Variants in ABCA1 observed in about 807,000 individuals in gnomAD.
The protein encoded by ABCA1 is phospholipid-transporting ATPase ABCA1.
Under a neutral mutation model 262.5 loss-of-function variants are expected in ABCA1, and 133 were observed. That is an observed-to-expected ratio of 0.51 (90% CI 0.44 to 0.59). The LOEUF is 0.59. Among genes scored for constraint, ABCA1 ranks in the 20% least tolerant of loss-of-function variants. The pLI is 0.00. For missense variants in ABCA1, 2,452 were observed against 2,777.5 expected, an observed-to-expected ratio of 0.88 and a Z score of 2.63; for synonymous variants, 1,022 against 1,043.5, an observed-to-expected ratio of 0.98 and a Z score of 0.40.
intron 7 of ABCA1, among the ~76,000 whole-genome samples, chr9:104,851,220 C>T (rs938721627): frequency 2.0e-5 from 3 of 152,150 alleles, no homozygotes; most frequent in African/African-American, 7.2e-5. Flanking sequence ...GCTCCAAAGG[C>T]CATTCACATT....
intron 1 of ABCA1, among the ~76,000 whole-genome samples, chr9:104,911,456 C>G (rs1841493293): frequency 6.6e-6 from 1 of 152,250 alleles, no homozygotes; most frequent in Non-Finnish European, 1.5e-5. Flanking sequence ...AACAGGTTCA[C>G]TGCACCCATG....
Position 104,804,691 on chromosome 9 carries a change from C to T in ABCA1, c.4494G>A (p.Gln1498=), listed in dbSNP as rs1781972854. ...CCGAAATGTTTCTTCCTGTCAGGTC[C>T]TGAAGGATATCTGCAGTGTTTTGTT... The part of the protein sequence containing the change: ...QRKQNTADIL[Q]DLTGRNISDY... The change falls in exon 32 of 50, where the codon CAG becomes CAA. Residue 1498 remains glutamine, a synonymous_variant. Transcript: ENST00000374736. The T allele has an allele frequency of 6.2e-7, 1 of 1,614,194 alleles. No individual in the cohort carries two copies. Among genetic ancestry groups the T allele is most frequent in the Non-Finnish European group, 8.5e-7 (1 of 1,180,020 alleles).
At chr9:104,834,298 G>A (rs893947728) in intron 11 of ABCA1, among the ~76,000 whole-genome samples, 1 of 149,584 alleles carries the variant, frequency 6.7e-6, no homozygotes, top group African/African-American at 2.4e-5. Context: ...GGGGTGGGTG[G>A]AATGGAGGTA....
At chr9:104,893,314 C>T (rs188149348) in intron 2 of ABCA1, among the ~76,000 whole-genome samples, 11 of 146,530 alleles carry the variant, frequency 7.5e-5, no homozygotes, top group Admixed American at 5.6e-4. Flanking sequence ...CCCAGCTACT[C>T]GGGAGGCTGA....
At chr9:104,851,769 T>A (rs567367663) in intron 7 of ABCA1, among the ~76,000 whole-genome samples, 1 of 152,216 alleles carries the variant, frequency 6.6e-6, no homozygotes, top group Admixed American at 6.5e-5. Flanking sequence ...ACTACCTCCC[T>A]GGGCCAGAGC....
chr9:104,812,472 G>T lies in ABCA1; in HGVS notation c.4050+102C>A, dbSNP rs973773831. Reference sequence around the variant, plus strand: ...TTGAAATACAGATAAATCTGGCTCCGGCATCCATATCTTGACCAGGATGCT... The same window carrying T: ...TTGAAATACAGATAAATCTGGCTCCTGCATCCATATCTTGACCAGGATGCT... On this transcript the variant is annotated intron_variant, in intron 28 of 49. Transcript: ENST00000374736. 15 of 1,465,968 alleles carry T rather than the reference G, an allele frequency of 1.0e-5. No individual in the cohort carries two copies. In the African/African-American group the frequency reaches 2.3e-4, roughly 22 times the overall value. 90.8% of individuals were successfully genotyped at this position (1,465,968 alleles called of 1,614,324 possible).
In ABCA1 at chr9:104,809,575, A is replaced by G. The variant is rs1354229884; in HGVS notation, c.4176-11T>C. On this transcript the variant is annotated splice_polypyrimidine_tract_variant and intron_variant, in intron 29 of 49. Coordinates refer to ENST00000374736, the MANE Select transcript of ABCA1 (RefSeq NM_005502.4). ...TCAGGAGCATCATTGCTGTGGGTAC[A>G]TGAGAGGCAGCCAGCTTAGTAATTC... The G allele has an allele frequency of 6.2e-7, 1 of 1,610,156 alleles. No individual in the cohort carries two copies. Among genetic ancestry groups the G allele is most frequent in the Non-Finnish European group, 8.5e-7 (1 of 1,176,440 alleles).
intron 2 of ABCA1, among the ~76,000 whole-genome samples, chr9:104,901,963 T>C (rs1840703000): frequency 2.0e-5 from 3 of 152,146 alleles, no homozygotes; most frequent in Non-Finnish European, 4.4e-5. Flanking sequence ...TTTATTAATA[T>C]AATATTATCT....
rs879243215 is a variant in ABCA1 at position 104,828,832 on chromosome 9, T to TC, written c.2115+83_2115+84insG. 7 of 1,387,072 alleles carry TC rather than the reference T, an allele frequency of 5.0e-6. No homozygotes were observed. The South Asian group carries it at 7.3e-5, about 15-fold the overall frequency. 85.9% of individuals were successfully genotyped at this position (1,387,072 alleles called of 1,614,324 possible). ...ACCCCTTCTCTACCAGAGGCTTGGA[T>TC]TTTTTTTCTTCTTCTCCTCCCTTAG... On this transcript the variant is annotated intron_variant, in intron 15 of 49. Coordinates refer to ENST00000374736, the MANE Select transcript of ABCA1 (RefSeq NM_005502.4).
rs35207495 is a variant in ABCA1 at position 104,824,519 on chromosome 9, C to T, written c.2602G>A (p.Glu868Lys). 1,608 of 1,614,138 alleles carry T rather than the reference C, an allele frequency of 1.0e-3. 8 individuals are homozygous for T. The African/African-American group carries it at 0.016, about 16-fold the overall frequency. Residue 868 changes from glutamate (E) to lysine (K), a missense_variant, in exon 18 of 50, where the codon GAG (glutamate) becomes AAG (lysine). This residue lies in a region of ABCA1 where 1,032 missense variants were observed against 1,089.7 expected (regional missense o/e 0.95). Coordinates refer to ENST00000374736, the MANE Select transcript of ABCA1 (RefSeq NM_005502.4). Reference protein sequence around the residue: ...FPCTKSYWFGEESDEKSHPGS... With the variant: ...FPCTKSYWFGKESDEKSHPGS... Reference sequence around the variant, plus strand: ...GGGTGGCTCTTCTCATCACTTTCCTCGCCAAACCAGTAGGACTTGGTGCAA... The same window carrying T: ...GGGTGGCTCTTCTCATCACTTTCCTTGCCAAACCAGTAGGACTTGGTGCAA...
Position 104,889,165 on chromosome 9 carries a change from G to A in ABCA1, c.97C>T (p.Leu33=), listed in dbSNP as rs886063313. ...CQLLLEVAWP[L]FIFLILISVR... is the part of the protein sequence containing the mutation. Reference sequence around the variant, plus strand: ...GAGATCAGGATCAGGAAGATAAATAGAGGCCAGGCCACTTCCAGCAGCAGC... The same window carrying A: ...GAGATCAGGATCAGGAAGATAAATAAAGGCCAGGCCACTTCCAGCAGCAGC... The change falls in exon 3 of 50, where the codon CTA becomes TTA. Residue 33 remains leucine (L), a synonymous_variant. Transcript: ENST00000374736. The A allele has an allele frequency of 6.2e-7, 1 of 1,614,170 alleles. No homozygotes were observed.
chr9:104,790,938 A>C lies in ABCA1; in HGVS notation c.5911T>G (p.Phe1971Val), dbSNP rs1293321568. The C allele has an allele frequency of 6.2e-7, 1 of 1,612,702 alleles. No individual in the cohort carries two copies. Among genetic ancestry groups the C allele is most frequent in the Admixed American group, 1.7e-5 (1 of 59,998 alleles). Reference sequence around the variant, plus strand: ...TTTTCTCACCTATTTTTGTTAAGGAAAGCATCTCCTCTGGTAACAGTGGTA... The same window carrying C: ...TTTTCTCACCTATTTTTGTTAAGGACAGCATCTCCTCTGGTAACAGTGGTA... The part of the protein sequence containing the change: ...GDTTVTRGDA[F>V]LNKNSILSNI... Residue 1971 changes from phenylalanine to valine, a missense_variant, in exon 44 of 50, where the codon TTC (phenylalanine) becomes GTC (valine). Physicochemically the swap from Phe to Val is conservative, Grantham distance 50 (BLOSUM62 -1). Coordinates refer to ENST00000374736, the MANE Select transcript of ABCA1 (RefSeq NM_005502.4).
At chr9:104,837,221 A>G in intron 10 of ABCA1, 125 bp from the exon 11 acceptor site, 2 of 1,054,504 alleles carry the variant, frequency 1.9e-6, no homozygotes, top group South Asian at 1.4e-5. Flanking sequence ...CCCATCCCCA[A>G]GAAATGCCTG....
Position 104,826,965 on chromosome 9 carries a change from T to C in ABCA1, c.2320A>G (p.Thr774Ala). 1.2e-6 allele frequency: 2 copies of C among 1,613,950 alleles called. No homozygotes were observed. Among genetic ancestry groups the C allele is most frequent in the South Asian group, 2.2e-5 (2 of 91,070 alleles). The change falls in exon 16 of 50, where the codon ACA becomes GCA. Residue 774 changes from threonine to alanine, a missense_variant. By Grantham distance (58) the Thr-to-Ala change is moderately conservative (BLOSUM62 0). Transcript: ENST00000374736. Reference protein sequence around the residue: ...CVAWQDYVGFTLKIFASLLSP... With the variant: ...CVAWQDYVGFALKIFASLLSP... ...GTACTCACAGCGAAGATCTTGAGTG[T>C]GAAGCCCACGTAGTCCTGCCATGCC...
In ABCA1 at chr9:104,788,030, G is replaced by C. The variant is rs368951069; in HGVS notation, c.6094C>G (p.Leu2032Val). 35 of 1,614,046 alleles carry C rather than the reference G, an allele frequency of 2.2e-5. No individual in the cohort carries two copies. Among genetic ancestry groups the C allele is most frequent in the Non-Finnish European group, 3.0e-5 (35 of 1,180,034 alleles). ...GKVGEWAIRK[L>V]GLVKYGEKYA... is the part of the protein sequence containing the mutation. ...TTTTCTCCATACTTCACGAGGCCCA[G>C]TTTCCGAATCGCCCACTCACCAACC... The change falls in exon 46 of 50, where the codon CTG (leucine) becomes GTG (valine). Residue 2032 changes from leucine to valine, a missense_variant. Around this residue, in one of 4 missense-constraint regions of ABCA1, gnomAD observed 752 missense variants for 944.5 expected, o/e 0.80. Transcript: ENST00000374736.
At chr9:104,869,056 G>A (rs1405810204) in intron 5 of ABCA1, among the ~76,000 whole-genome samples, 1 of 152,018 alleles carries the variant, frequency 6.6e-6, no homozygotes, top group African/African-American at 2.4e-5. Flanking sequence ...GGAGAGGAGG[G>A]AGAGCAGCTC....
At position 104,791,923 on chromosome 9, in the gene ABCA1, A is replaced by G. The variant is rs1256283036; in HGVS notation, c.5820+13T>C. ...TAATAGGGACAAACGCAATATAGAC[A>G]AAGTGTCTTTACCTCACCAGGAGGA... On this transcript the variant is annotated intron_variant, in intron 43 of 49. Transcript: ENST00000374736. 5.6e-6 allele frequency: 9 copies of G among 1,612,822 alleles called. No individual in the cohort carries two copies. Among genetic ancestry groups the G allele is most frequent in the South Asian group, 1.1e-5 (1 of 90,978 alleles).
intron 8 of ABCA1, among the ~76,000 whole-genome samples, chr9:104,841,728 T>C (rs996440428): frequency 6.6e-6 from 1 of 152,262 alleles, no homozygotes; most frequent in East Asian, 1.9e-4. Context: ...GTGCCCTGCA[T>C]AGAACAGTCC....
chr9:104,859,300 T>C (rs953872392), intron 6 of ABCA1, among the ~76,000 whole-genome samples: 1 of 152,202 alleles, frequency 6.6e-6, no homozygotes, highest in Non-Finnish European at 1.5e-5. Flanking sequence ...CTTTTCTTTA[T>C]ACCAAACCCA....
Sources: allele counts gnomAD v4.1 joint callset (sites outside exome capture counted in the v4.1 genomes callset), GRCh38; gene constraint gnomAD v4.1.1; regional missense constraint gnomAD v4.1.1; transcripts MANE v1.5; gene names NCBI Gene and HGNC (gene_info 2026-07-23, HGNC 2026-07-21).